Variants in LRP1B observed in about 807,000 individuals in gnomAD.
LRP1B encodes the protein LDL receptor related protein 1B.
In LRP1B, 217 loss-of-function variants were observed where a neutral mutation model predicts 556.6. The observed-to-expected ratio is 0.39, with a 90% CI of 0.35 to 0.44. The LOEUF (loss-of-function observed/expected upper bound fraction) is 0.44. LRP1B is among the 20% of genes least tolerant of loss of function. The pLI, the probability that LRP1B is intolerant of heterozygous loss-of-function variation, is 1.00. For synonymous variants in LRP1B, 2,047 were observed against 1,865.8 expected, an observed-to-expected ratio of 1.10 and a Z score of -2.50; for missense variants, 5,053 against 5,620.8, an observed-to-expected ratio of 0.90 and a Z score of 3.23.
intron 41 of LRP1B, among the ~76,000 whole-genome samples, chr2:140,618,312 G>A (rs1266936900): frequency 6.6e-6 from 1 of 151,890 alleles, no homozygotes; most frequent in Non-Finnish European, 1.5e-5. Context: ...AGTAATAATA[G>A]GAAAGAGTCA....
At chr2:141,576,753 CAAAA>C (rs72183984) in intron 2 of LRP1B, among the ~76,000 whole-genome samples, 6 of 92,302 alleles carry the variant, frequency 6.5e-5, no homozygotes, top group Non-Finnish European at 6.1e-5. Flanking sequence ...GCCCCTGTCT[CAAAA>C]AAAAAAAAAA....
At position 140,702,460 on chromosome 2, in the gene LRP1B, T is replaced by C. The variant is rs2105430299; in HGVS notation, c.6117A>G (p.Ile2039Met). The C allele has an allele frequency of 6.2e-7, 1 of 1,613,624 alleles. No homozygotes were observed. The highest frequency in any genetic ancestry group is 8.5e-7 in the Non-Finnish European group (1 of 1,179,714). Reference protein sequence around the residue: ...SEKVVLVSMGIAWPNGISIDY... With the variant: ...SEKVVLVSMGMAWPNGISIDY... ...CGATGGAGATGCCATTCGGCCATGC[T>C]ATTCCCATGCTTACAAGGACAACCT... Residue 2039 changes from isoleucine (I) to methionine (M), a missense_variant, in exon 38 of 91, where the codon ATA becomes ATG. Physicochemically the swap from Ile to Met is conservative, Grantham distance 10 (BLOSUM62 1). Coordinates refer to ENST00000389484, the MANE Select transcript of LRP1B (RefSeq NM_018557.3).
intron 18 of LRP1B, among the ~76,000 whole-genome samples, chr2:140,963,067 T>C (rs2105317563): frequency 6.6e-6 from 1 of 152,322 alleles, no homozygotes; most frequent in Admixed American, 6.5e-5. Flanking sequence ...GCAGAAATTA[T>C]TTACTGACGT....
At chr2:141,676,453 A>G (rs776057455) in intron 2 of LRP1B, among the ~76,000 whole-genome samples, 4 of 152,118 alleles carry the variant, frequency 2.6e-5, no homozygotes, top group Non-Finnish European at 2.9e-5. Flanking sequence ...CTCTCCCACT[A>G]AAATCCAAAA....
intron 9 of LRP1B, among the ~76,000 whole-genome samples, chr2:141,058,250 A>C (rs1485717675): frequency 3.3e-5 from 5 of 151,896 alleles, no homozygotes. Context: ...TAATGCTTAG[A>C]TAATTCTAGG....
At position 141,047,553 on chromosome 2, in the gene LRP1B, C is replaced by T. The variant is rs374530745; in HGVS notation, c.1789+1433G>A. Among the ~76,000 whole-genome samples, 20 of 152,148 alleles carry T rather than the reference C, an allele frequency of 1.3e-4. No homozygotes were observed. The South Asian group carries it at 4.2e-3, about 32-fold the overall frequency. On this transcript the variant is annotated intron_variant, in intron 11 of 90. Transcript: ENST00000389484. ...CAATAAAGTTCTGATTCATTCTGCA[C>T]CAAACAACGTGATCGATCCTCCTAA...
chr2:141,589,471 C>T (rs1180859573), intron 2 of LRP1B, among the ~76,000 whole-genome samples: 5 of 152,056 alleles, frequency 3.3e-5, no homozygotes, highest in African/African-American at 9.7e-5. Flanking sequence ...AGATTTTCTT[C>T]GACTTTCTTG....
chr2:140,795,953 A>G (rs1690294759), intron 32 of LRP1B, among the ~76,000 whole-genome samples: 2 of 152,090 alleles, frequency 1.3e-5, no homozygotes, highest in Admixed American at 6.5e-5. Flanking sequence ...TTTTATTAAT[A>G]TAAAACACTC....
At chr2:140,920,462 T>G (rs900028666) in intron 21 of LRP1B, among the ~76,000 whole-genome samples, 1 of 152,066 alleles carries the variant, frequency 6.6e-6, no homozygotes, top group Non-Finnish European at 1.5e-5. Context: ...TTAAAAAACT[T>G]TGAAAATAAT....
chr2:140,548,497 T>A (rs918172410), intron 43 of LRP1B, among the ~76,000 whole-genome samples: 9 of 152,106 alleles, frequency 5.9e-5, no homozygotes, highest in African/African-American at 2.2e-4. Context: ...ACACATCGCC[T>A]CCTTAGGAAT....
At chr2:142,033,439 T>C (rs1703772366) in intron 1 of LRP1B, among the ~76,000 whole-genome samples, 2 of 151,722 alleles carry the variant, frequency 1.3e-5, no homozygotes, top group African/African-American at 2.4e-5. Context: ...TACATGCCTA[T>C]ACCTTTAGTA....
intron 83 of LRP1B, among the ~76,000 whole-genome samples, chr2:140,301,272 T>C (rs910523815): frequency 9.9e-5 from 15 of 152,046 alleles, no homozygotes; most frequent in African/African-American, 3.1e-4. Flanking sequence ...CATCTATTTG[T>C]ACAGATTTTA....
intron 35 of LRP1B, among the ~76,000 whole-genome samples, chr2:140,758,880 G>A (rs1468230209): frequency 6.6e-6 from 1 of 151,936 alleles, no homozygotes; most frequent in Admixed American, 6.6e-5. Context: ...AGAATAGTAT[G>A]TCATAGGAAA....
intron 3 of LRP1B, among the ~76,000 whole-genome samples, chr2:141,476,861 C>T (rs940473789): frequency 6.6e-5 from 10 of 152,136 alleles, no homozygotes; most frequent in African/African-American, 9.7e-5. Context: ...CGGTGGCTCA[C>T]ACCTGTAATT....
At chr2:142,126,427 AC>A (rs1707653717) in intron 1 of LRP1B, among the ~76,000 whole-genome samples, 1 of 151,834 alleles carries the variant, frequency 6.6e-6, no homozygotes, top group African/African-American at 2.4e-5. Flanking sequence ...ACACACATAA[AC>A]ACACACAGAG....
intron 7 of LRP1B, among the ~76,000 whole-genome samples, chr2:141,076,158 T>C (rs778665388): frequency 2.6e-5 from 4 of 152,174 alleles, no homozygotes; most frequent in Non-Finnish European, 5.9e-5. Context: ...AGGAATGCAG[T>C]ATCAACCTCA....
At chr2:140,740,827 T>C (rs1414741996) in intron 35 of LRP1B, among the ~76,000 whole-genome samples, 1 of 152,116 alleles carries the variant, frequency 6.6e-6, no homozygotes, top group African/African-American at 2.4e-5. Flanking sequence ...TGTGTACTAA[T>C]CTTCTCTTCT....
chr2:140,461,624 C>T (rs975526547), intron 60 of LRP1B, among the ~76,000 whole-genome samples: 1 of 152,056 alleles, frequency 6.6e-6, no homozygotes, highest in African/African-American at 2.4e-5. Context: ...CACCTGAGGT[C>T]AGGAGTTCGA....
intron 31 of LRP1B, among the ~76,000 whole-genome samples, chr2:140,827,247 A>C (rs1321115383): frequency 6.6e-6 from 1 of 152,090 alleles, no homozygotes; most frequent in East Asian, 1.9e-4. Context: ...ACAGGGAACC[A>C]AGACCTCCTC....
Sources: allele counts gnomAD v4.1 joint callset (sites outside exome capture counted in the v4.1 genomes callset), GRCh38; gene constraint gnomAD v4.1.1; transcripts MANE v1.5; gene names NCBI Gene and HGNC (gene_info 2026-07-23, HGNC 2026-07-21).